RSBN1L: variants seen among roughly 807,000 people sequenced by gnomAD.
RSBN1L encodes lysine-specific demethylase RSBN1L.
RSBN1L carries 30 observed loss-of-function variants against 67.7 expected under a neutral mutation model. The observed-to-expected ratio is 0.44, with a 90% confidence interval of 0.33 to 0.60. The LOEUF (loss-of-function observed/expected upper bound fraction) is 0.60, where lower values mean the gene tolerates loss of function less well. RSBN1L is among the 20% of genes least tolerant of loss of function. RSBN1L has a pLI of 0.02. For synonymous variants in RSBN1L, 433 were observed against 387.0 expected, an observed-to-expected ratio of 1.12 and a Z score of -1.39; for missense variants, 992 against 1,031.7, an observed-to-expected ratio of 0.96 and a Z score of 0.53.
intron 1 of RSBN1L, among the ~76,000 whole-genome samples, chr7:77,722,326 G>T (rs114642799): frequency 0.014 from 2,101 of 152,206 alleles, 51 homozygotes; most frequent in African/African-American, 0.047. Context: ...AGAGAGGAAT[G>T]CCTAGGAGAG....
intron 1 of RSBN1L, among the ~76,000 whole-genome samples, chr7:77,718,370 C>T (rs893754695): frequency 1.1e-4 from 16 of 152,148 alleles, no homozygotes; most frequent in African/African-American, 3.9e-4. Context: ...GGTGCAATCA[C>T]GGCTTCAACT....
rs1481474565 is a variant in RSBN1L, at chr7:77,779,479, GT to G, written c.*312del. ...ATATATAAATATATATATATATTTT[GT>G]AATATGAGCCAGAATTCTTTTTCAA... is the stretch of plus-strand genomic sequence containing the variant. On this transcript the variant is annotated 3_prime_UTR_variant, in exon 8 of 8. Coordinates refer to ENST00000334955, the MANE Select transcript of RSBN1L (RefSeq NM_198467.3). 1 of 148,736 alleles carries G rather than the reference GT, an allele frequency of 6.7e-6. No individual in the cohort carries two copies. Among genetic ancestry groups the G allele is most frequent in the Admixed American group, 6.8e-5 (1 of 14,800 alleles). 9.2% of individuals were successfully genotyped at this position (148,736 alleles called of 1,614,324 possible).
intron 2 of RSBN1L, among the ~76,000 whole-genome samples, chr7:77,738,909 A>G (rs368072406): frequency 6.6e-6 from 1 of 152,180 alleles, no homozygotes; most frequent in East Asian, 1.9e-4. Context: ...ACTGCACTCC[A>G]GCCTGGGCAA....
intron 1 of RSBN1L, among the ~76,000 whole-genome samples, chr7:77,722,938 G>A (rs1417802767): frequency 1.3e-5 from 2 of 149,616 alleles, no homozygotes; most frequent in African/African-American, 4.9e-5. Context: ...GAAAGCTGTA[G>A]TATGAAATTC....
At chr7:77,739,585 C>T (rs1196839156) in intron 2 of RSBN1L, among the ~76,000 whole-genome samples, 6 of 149,896 alleles carry the variant, frequency 4.0e-5, no homozygotes, top group East Asian at 2.0e-4. Context: ...TGGTGGCGCT[C>T]GTCTGTAATC....
intron 1 of RSBN1L, among the ~76,000 whole-genome samples, chr7:77,703,218 C>T (rs1790841657): frequency 6.6e-6 from 1 of 152,164 alleles, no homozygotes; most frequent in African/African-American, 2.4e-5. Context: ...TACTGAGGAC[C>T]ATACCTCTTG....
At chr7:77,757,543 T>C (rs1295938645) in intron 3 of RSBN1L, among the ~76,000 whole-genome samples, 1 of 152,238 alleles carries the variant, frequency 6.6e-6, no homozygotes, top group African/African-American at 2.4e-5. Context: ...GTATTAAATG[T>C]ATAAACAAAA....
intron 1 of RSBN1L, among the ~76,000 whole-genome samples, chr7:77,734,081 G>A (rs1420149288): frequency 6.6e-6 from 1 of 152,156 alleles, no homozygotes; most frequent in African/African-American, 2.4e-5. Context: ...AGCTGAGATC[G>A]TGCCACTGCA....
intron 2 of RSBN1L, among the ~76,000 whole-genome samples, chr7:77,738,561 A>C (rs1001675611): frequency 1.3e-5 from 2 of 152,236 alleles, no homozygotes; most frequent in South Asian, 4.1e-4. Flanking sequence ...TGCCAAGTAT[A>C]GAATCTGGCT....
In RSBN1L at chr7:77,759,047, C is replaced by T. The variant is rs899800012; in HGVS notation, c.1345-6448C>T. On this transcript the variant is annotated intron_variant, in intron 3 of 7. Transcript: ENST00000334955. ...AAAGTGTTAACTGATGATTAAAAGT[C>T]TATTATTTTAATAATGAAACTTATT... Among the ~76,000 whole-genome samples the T allele has an allele frequency of 2.0e-5, 3 of 152,108 alleles. No individual in the cohort carries two copies. In the South Asian group the frequency reaches 6.2e-4, roughly 32 times the overall value.
At chr7:77,741,925 A>G (rs1193523115) in intron 2 of RSBN1L, among the ~76,000 whole-genome samples, 2 of 152,048 alleles carry the variant, frequency 1.3e-5, no homozygotes, top group Admixed American at 6.6e-5. Flanking sequence ...CATGTAAAGA[A>G]TGCATTTTGC....
At chr7:77,760,885 C>T (rs574856326) in intron 3 of RSBN1L, among the ~76,000 whole-genome samples, 2 of 152,258 alleles carry the variant, frequency 1.3e-5, no homozygotes, top group Admixed American at 1.3e-4. Context: ...ATCCTCCCGC[C>T]TTGGCCTCCC....
intron 3 of RSBN1L, among the ~76,000 whole-genome samples, chr7:77,752,946 C>A (rs9986707): frequency 2.6e-5 from 4 of 152,058 alleles, no homozygotes; most frequent in Admixed American, 6.5e-5. Context: ...TGTAGTATAA[C>A]GTTTGTGAGA....
chr7:77,746,828 G>A (rs545480404), intron 2 of RSBN1L, among the ~76,000 whole-genome samples: 4 of 152,280 alleles, frequency 2.6e-5, no homozygotes, highest in Admixed American at 2.0e-4. Flanking sequence ...ATGCAAGTCC[G>A]AAACCCAGCA....
intron 1 of RSBN1L, among the ~76,000 whole-genome samples, chr7:77,716,437 C>T (rs183841926): frequency 7.4e-5 from 11 of 147,868 alleles, no homozygotes; most frequent in Admixed American, 2.0e-4. Context: ...ATGATCCTCC[C>T]GCCTCAGCTG....
intron 3 of RSBN1L, 83 bp downstream of exon 3, chr7:77,750,147 C>G: frequency 1.3e-6 from 1 of 794,488 alleles, no homozygotes; most frequent in Non-Finnish European, 1.8e-6. Flanking sequence ...AATTATAGGG[C>G]TGAAATAAAA....
chr7:77,731,428 G>T (rs1791270621), intron 1 of RSBN1L, among the ~76,000 whole-genome samples: 1 of 152,070 alleles, frequency 6.6e-6, no homozygotes, highest in Non-Finnish European at 1.5e-5. Flanking sequence ...TAGAGACAGG[G>T]TTTCATCATG....
At chr7:77,744,248 C>G (rs1791451106) in intron 2 of RSBN1L, among the ~76,000 whole-genome samples, 1 of 152,058 alleles carries the variant, frequency 6.6e-6, no homozygotes, top group Non-Finnish European at 1.5e-5. Context: ...GTTGCCTACA[C>G]TGGTCTGGAA....
intron 1 of RSBN1L, among the ~76,000 whole-genome samples, chr7:77,725,542 C>T (rs964693989): frequency 2.0e-5 from 3 of 149,890 alleles, no homozygotes; most frequent in Non-Finnish European, 4.4e-5. Flanking sequence ...CCATGGCGCC[C>T]GGCCAGGGGT....
Sources: allele counts gnomAD v4.1 joint callset (sites outside exome capture counted in the v4.1 genomes callset), GRCh38; gene constraint gnomAD v4.1.1; transcripts MANE v1.5; gene names NCBI Gene and HGNC (gene_info 2026-07-23, HGNC 2026-07-21).